The following MAP4K3 variants were observed in gnomAD, a reference collection of about 807,000 sequenced individuals.
MAP4K3 encodes MAPK/ERK kinase kinase kinase 3.
MAP4K3 carries 94 observed loss-of-function variants against 143.5 expected under a neutral mutation model. The observed-to-expected ratio is 0.65, with a 90% confidence interval of 0.55 to 0.78. The LOEUF (loss-of-function observed/expected upper bound fraction) is 0.78. MAP4K3 is among the 30% of genes least tolerant of loss of function. MAP4K3 has a pLI of 0.00. For missense variants in MAP4K3, 1,077 were observed against 1,068.1 expected (o/e 1.01, Z -0.12); for synonymous variants, 416 against 347.2 (o/e 1.20, Z -2.20).
chr2:39,377,270 A>G (rs1666245055), intron 2 of MAP4K3, among the ~76,000 whole-genome samples: 1 of 137,802 alleles, frequency 7.3e-6, no homozygotes, highest in African/African-American at 2.6e-5. Flanking sequence ...TTCTGTTCAT[A>G]CTGGAGCTAA....
rs749727519 is a variant in MAP4K3 at position 39,292,814 on chromosome 2, T to C, written c.1230A>G (p.Ala410=). ...EEELHQRGHV[A]HLEDDEGDDD... ...CATCTCCTTCATCATCTTCTAAATG[T>C]GCGACGTGTCCTCTAAATAAAAAGG... is the stretch of plus-strand genomic sequence containing the variant. The change falls in exon 18 of 34, where the codon GCA becomes GCG. Residue 410 remains alanine (A), a synonymous_variant. Coordinates refer to ENST00000263881, the MANE Select transcript of MAP4K3 (RefSeq NM_003618.4). 1 of 1,612,798 alleles carries C rather than the reference T, an allele frequency of 6.2e-7. No homozygotes were observed. The highest frequency in any genetic ancestry group is 8.5e-7 in the Non-Finnish European group (1 of 1,178,962).
chr2:39,314,308 G>C (rs1246864108), intron 13 of MAP4K3, among the ~76,000 whole-genome samples: 1 of 152,166 alleles, frequency 6.6e-6, no homozygotes. Flanking sequence ...GGGATTACAA[G>C]CATGAGCCAC....
chr2:39,287,489 G>C (rs1274499235), intron 20 of MAP4K3, among the ~76,000 whole-genome samples: 1 of 151,812 alleles, frequency 6.6e-6, no homozygotes, highest in African/African-American at 2.4e-5. Flanking sequence ...TTTTAGTAGA[G>C]ATGGAGTTTC....
intron 1 of MAP4K3, among the ~76,000 whole-genome samples, chr2:39,395,618 G>A (rs1345469591): frequency 6.6e-6 from 1 of 152,126 alleles, no homozygotes; most frequent in Non-Finnish European, 1.5e-5. Flanking sequence ...CCAAATATAA[G>A]ACACTCCTGT....
intron 3 of MAP4K3, among the ~76,000 whole-genome samples, chr2:39,344,842 T>C (rs1665240069): frequency 6.6e-6 from 1 of 152,096 alleles, no homozygotes; most frequent in Admixed American, 6.5e-5. Context: ...AATGCACATG[T>C]GGGAGACTGT....
At chr2:39,390,840 C>A (rs1666631972) in intron 1 of MAP4K3, among the ~76,000 whole-genome samples, 1 of 151,808 alleles carries the variant, frequency 6.6e-6, no homozygotes, top group Non-Finnish European at 1.5e-5. Context: ...TAAAGTAACT[C>A]AATCCACAAC....
At chr2:39,345,142 G>T (rs1665250629) in intron 3 of MAP4K3, among the ~76,000 whole-genome samples, 1 of 152,118 alleles carries the variant, frequency 6.6e-6, no homozygotes, top group African/African-American at 2.4e-5. Context: ...GGAGTCTGAG[G>T]GAAGAGGATT....
chr2:39,351,418 T>C (rs1396093937), intron 3 of MAP4K3, among the ~76,000 whole-genome samples: 1 of 152,256 alleles, frequency 6.6e-6, no homozygotes, highest in African/African-American at 2.4e-5. Context: ...TGTGCCTTAC[T>C]TCTAAATTAT....
chr2:39,396,074 T>C (rs906791449), intron 1 of MAP4K3, among the ~76,000 whole-genome samples: 7 of 152,170 alleles, frequency 4.6e-5, no homozygotes, highest in African/African-American at 1.2e-4. Flanking sequence ...TCTCACTCTG[T>C]TGCACCAGCT....
intron 24 of MAP4K3, among the ~76,000 whole-genome samples, chr2:39,273,547 G>A (rs1342501327): frequency 2.0e-5 from 3 of 152,090 alleles, no homozygotes; most frequent in South Asian, 4.1e-4. Flanking sequence ...AGGGGTGAAT[G>A]ATGAAACACA....
At chr2:39,429,530 C>T (rs1358178318) in intron 1 of MAP4K3, among the ~76,000 whole-genome samples, 1 of 152,062 alleles carries the variant, frequency 6.6e-6, no homozygotes. Context: ...TGTATTGTGC[C>T]AACTAATTTC....
chr2:39,411,834 C>G (rs1667240191), intron 1 of MAP4K3, among the ~76,000 whole-genome samples: 1 of 152,174 alleles, frequency 6.6e-6, no homozygotes, highest in Non-Finnish European at 1.5e-5. Context: ...GTAATGGCTA[C>G]ATATCTACAT....
intron 1 of MAP4K3, among the ~76,000 whole-genome samples, chr2:39,402,878 C>T (rs1281040143): frequency 2.0e-5 from 3 of 151,044 alleles, no homozygotes; most frequent in Non-Finnish European, 2.9e-5. Flanking sequence ...GACATCACTA[C>T]AGATTGTACA....
chr2:39,382,399 A>C (rs905058806), intron 1 of MAP4K3, among the ~76,000 whole-genome samples: 1 of 152,230 alleles, frequency 6.6e-6, no homozygotes, highest in African/African-American at 2.4e-5. Context: ...TATGAATACA[A>C]GTTCTGAGTG....
intron 21 of MAP4K3, 59 bp from the exon 22 acceptor site, chr2:39,282,613 C>T: frequency 9.0e-7 from 1 of 1,111,220 alleles, no homozygotes; most frequent in Non-Finnish European, 1.4e-6. Flanking sequence ...TATAATAATA[C>T]TGTATTTCAA....
intron 1 of MAP4K3, among the ~76,000 whole-genome samples, chr2:39,417,149 T>C (rs1480101986): frequency 1.3e-5 from 2 of 151,948 alleles, no homozygotes; most frequent in African/African-American, 2.4e-5. Flanking sequence ...TAAAAAGCTA[T>C]ACAGATATAC....
intron 2 of MAP4K3, among the ~76,000 whole-genome samples, chr2:39,370,043 A>C (rs769189525): frequency 1.2e-4 from 19 of 152,200 alleles, no homozygotes; most frequent in South Asian, 2.1e-4. Flanking sequence ...CTTCCTTCTA[A>C]CTAAATTAAG....
chr2:39,408,707 T>C (rs1667160072), intron 1 of MAP4K3, among the ~76,000 whole-genome samples: 1 of 150,056 alleles, frequency 6.7e-6, no homozygotes, highest in African/African-American at 2.5e-5. Context: ...CTTAGAGAAA[T>C]TTAAGAGCTA....
At chr2:39,408,801 G>A (rs769099037) in intron 1 of MAP4K3, among the ~76,000 whole-genome samples, 4 of 152,132 alleles carry the variant, frequency 2.6e-5, no homozygotes, top group Admixed American at 6.5e-5. Flanking sequence ...TGAGGAAGAA[G>A]ACAAAGAAGA....
Sources: gnomAD v4.1 joint callset for allele counts (sites outside exome capture counted in the v4.1 genomes callset) on GRCh38, gnomAD v4.1.1 for gene constraint, MANE v1.5 for transcripts, NCBI Gene and HGNC (gene_info 2026-07-23, HGNC 2026-07-21) for gene names.